The following SLC38A6 variants were observed in gnomAD, a reference collection of about 807,000 sequenced individuals.
SLC38A6 encodes the protein N system amino acid transporter NAT-1.
In SLC38A6, 73 loss-of-function variants were observed where a neutral mutation model predicts 65.0. That is an observed-to-expected ratio of 1.12 (90% confidence interval 0.93 to 1.37). SLC38A6 has a LOEUF of 1.37. SLC38A6 is among the 40% of genes most tolerant of loss of function. The pLI is 0.00. For synonymous variants in SLC38A6, 183 were observed against 178.8 expected, an observed-to-expected ratio of 1.02 and a Z score of -0.19; for missense variants, 561 against 531.1, an observed-to-expected ratio of 1.06 and a Z score of -0.55.
At chr14:61,044,105 A>G (rs931503164) in intron 10 of SLC38A6, among the ~76,000 whole-genome samples, 21 of 152,130 alleles carry the variant, frequency 1.4e-4, no homozygotes, top group African/African-American at 4.3e-4. Context: ...TGTGACATGG[A>G]TGGTCTCTGC....
intron 3 of SLC38A6, among the ~76,000 whole-genome samples, chr14:61,009,479 C>T (rs529815432): frequency 1.1e-4 from 17 of 151,986 alleles, no homozygotes; most frequent in African/African-American, 2.4e-4. Flanking sequence ...GTTGGCGTGC[C>T]GCACCCATTA....
At chr14:61,017,524 G>A (rs533273918) in intron 4 of SLC38A6, among the ~76,000 whole-genome samples, 1 of 152,280 alleles carries the variant, frequency 6.6e-6, no homozygotes, top group Admixed American at 6.5e-5. Context: ...GGTGTAGCCA[G>A]GGATCAGTTT....
At chr14:61,009,112 T>G (rs1172274079) in intron 3 of SLC38A6, among the ~76,000 whole-genome samples, 1 of 152,202 alleles carries the variant, frequency 6.6e-6, no homozygotes. Context: ...AAATTTAGTC[T>G]GCCCATTCAA....
chr14:61,068,885 C>T (rs750381238), intron 15 of SLC38A6, among the ~76,000 whole-genome samples: 2 of 152,214 alleles, frequency 1.3e-5, no homozygotes, highest in Non-Finnish European at 1.5e-5. Flanking sequence ...CTGTGTCCTT[C>T]TACTCTTTAC....
At chr14:60,994,545 C>T (rs1182102082) in intron 3 of SLC38A6, among the ~76,000 whole-genome samples, 1 of 151,340 alleles carries the variant, frequency 6.6e-6, no homozygotes, top group African/African-American at 2.4e-5. Flanking sequence ...AACTCCGTCT[C>T]AGAAAAAAAT....
At chr14:61,081,270 A>G (rs1336199187) in intron 16 of SLC38A6, among the ~76,000 whole-genome samples, 1 of 152,260 alleles carries the variant, frequency 6.6e-6, no homozygotes, top group Admixed American at 6.5e-5. Flanking sequence ...GGTAAATTGG[A>G]CAAGGATCTG....
At chr14:61,043,389 G>A in intron 9 of SLC38A6, 61 bp from the exon 10 acceptor site, 9 of 1,309,096 alleles carry the variant, frequency 6.9e-6, no homozygotes, top group Non-Finnish European at 9.7e-6. Context: ...CATTTTTATT[G>A]ATATATTCTG....
chr14:61,072,681 C>T lies in SLC38A6; in HGVS notation c.1291-6129C>T, dbSNP rs568493599. On this transcript the variant is annotated intron_variant, in intron 15 of 16. Transcript: ENST00000354886. Reference sequence around the variant, plus strand: ...TCACTTAACATAATGGTCTCCAGTTCCATCCATGTTGTTGCAAATGAAAAG... The same window carrying T: ...TCACTTAACATAATGGTCTCCAGTTTCATCCATGTTGTTGCAAATGAAAAG... Among the ~76,000 whole-genome samples, 14 of 152,252 alleles carry T rather than the reference C, an allele frequency of 9.2e-5. 1 individual carries two copies. The South Asian group carries it at 2.9e-3, about 32-fold the overall frequency.
chr14:61,064,727 A>G (rs900884021), intron 15 of SLC38A6, among the ~76,000 whole-genome samples: 1 of 151,300 alleles, frequency 6.6e-6, no homozygotes, highest in African/African-American at 2.4e-5. Context: ...CCTTCTCATT[A>G]TGGGCTTAAT....
At chr14:61,019,287 T>C (rs1452394986) in intron 4 of SLC38A6, among the ~76,000 whole-genome samples, 2 of 152,302 alleles carry the variant, frequency 1.3e-5, no homozygotes, top group East Asian at 3.9e-4. Context: ...TTAACACTTT[T>C]AACAATTTAA....
intron 3 of SLC38A6, among the ~76,000 whole-genome samples, chr14:61,001,725 G>C (rs1045594571): frequency 1.1e-4 from 16 of 152,112 alleles, no homozygotes; most frequent in East Asian, 1.9e-4. Flanking sequence ...CACTGCAGAA[G>C]GTTAGCAAAA....
At chr14:61,000,763 T>C (rs2038654089) in intron 3 of SLC38A6, among the ~76,000 whole-genome samples, 1 of 152,190 alleles carries the variant, frequency 6.6e-6, no homozygotes, top group Admixed American at 6.5e-5. Flanking sequence ...TCCCTCAGCA[T>C]CGTTTGGGTA....
At chr14:61,062,836 A>G (rs1594774268) in intron 15 of SLC38A6, among the ~76,000 whole-genome samples, 1 of 152,126 alleles carries the variant, frequency 6.6e-6, no homozygotes, top group Non-Finnish European at 1.5e-5. Context: ...GCACGCCACC[A>G]CACCCAGCTA....
intron 16 of SLC38A6, chr14:61,083,445 G>A: frequency 1.4e-6 from 2 of 1,448,410 alleles, no homozygotes; most frequent in East Asian, 2.5e-5. Flanking sequence ...CCAATCCCCA[G>A]GACCTCAGAA....
intron 8 of SLC38A6, 124 bp from the exon 9 acceptor site, chr14:61,043,023 C>G: frequency 1.6e-6 from 1 of 615,228 alleles, no homozygotes; most frequent in Admixed American, 3.8e-5. Flanking sequence ...CGGGAAAAGT[C>G]ACAGAAGCAG....
chr14:61,047,877 T>C (rs552001626), intron 12 of SLC38A6, among the ~76,000 whole-genome samples: 1 of 151,966 alleles, frequency 6.6e-6, no homozygotes, highest in African/African-American at 2.4e-5. Context: ...TCTAAGAAAA[T>C]CACATGGTAG....
chr14:61,044,225 C>A (rs1388998078), intron 10 of SLC38A6, among the ~76,000 whole-genome samples: 4 of 152,102 alleles, frequency 2.6e-5, no homozygotes. Context: ...ATGCTAGAAT[C>A]CCCCCTGCTC....
intron 3 of SLC38A6, among the ~76,000 whole-genome samples, chr14:61,007,724 T>C (rs549606663): frequency 5.9e-5 from 9 of 152,364 alleles, no homozygotes; most frequent in African/African-American, 2.2e-4. Context: ...ATATCAGAGA[T>C]GCTCTGGAGA....
intron 15 of SLC38A6, among the ~76,000 whole-genome samples, chr14:61,074,873 T>G (rs2043348842): frequency 6.6e-6 from 1 of 152,008 alleles, no homozygotes; most frequent in African/African-American, 2.4e-5. Context: ...GTGGGGAATA[T>G]CTTGATAAGT....
Sources: allele counts gnomAD v4.1 joint callset (sites outside exome capture counted in the v4.1 genomes callset), GRCh38; gene constraint gnomAD v4.1.1; transcripts MANE v1.5; gene names NCBI Gene and HGNC (gene_info 2026-07-23, HGNC 2026-07-21).